NEXMIF: variants seen among roughly 807,000 people sequenced by gnomAD.
NEXMIF encodes XLMR protein related to neurite extension.
NEXMIF carries 8 observed loss-of-function variants against 62.1 expected under a neutral mutation model. The observed-to-expected ratio is 0.13, with a 90% CI of 0.08 to 0.23. The LOEUF (loss-of-function observed/expected upper bound fraction) is 0.23. Among genes scored for constraint, NEXMIF ranks in the 10% least tolerant of loss-of-function variants. The probability of loss-of-function intolerance (pLI) is 1.00; values close to 1 mark genes in which losing one functional copy is unlikely to be tolerated. For missense variants in NEXMIF, 976 were observed against 1,113.3 expected, an observed-to-expected ratio of 0.88 and a Z score of 1.75; for synonymous variants, 404 against 416.6, an observed-to-expected ratio of 0.97 and a Z score of 0.37.
At chrX:74,760,757 G>C (rs977899665) in intron 1 of NEXMIF, among the ~76,000 whole-genome samples, 1 of 111,305 alleles carries the variant, frequency 9.0e-6, no homozygotes, top group Admixed American at 9.6e-5. Flanking sequence ...TGGTGTATTA[G>C]CTTTTTGATT....
At position 74,825,568 on chromosome X, in the gene NEXMIF, T is replaced by C. The variant is rs139802811; in HGVS notation, c.-47-79871A>G. ...CTGCAAAGTACATGATCTTGTTCTTTTTTTTGACAGAGTCTTGCTCTTGTC... is the reference window on the plus strand; with the variant it reads ...CTGCAAAGTACATGATCTTGTTCTTCTTTTTGACAGAGTCTTGCTCTTGTC... On this transcript the variant is annotated intron_variant, in intron 1 of 3. Coordinates refer to ENST00000055682, the MANE Select transcript of NEXMIF (RefSeq NM_001008537.3). Among the ~76,000 whole-genome samples the C allele has an allele frequency of 4.7e-3, 528 of 112,543 alleles. 4 individuals carry two copies. The highest frequency in any genetic ancestry group is 0.016 in the African/African-American group (502 of 31,017).
intron 1 of NEXMIF, among the ~76,000 whole-genome samples, chrX:74,794,698 G>A (rs4382636): frequency 0.18 from 20,062 of 110,899 alleles, 2,532 homozygotes; most frequent in East Asian, 0.91. Context: ...TTTTAAGCCC[G>A]TCGGAAAAGC....
chrX:74,767,061 G>A (rs1387636834), intron 1 of NEXMIF, among the ~76,000 whole-genome samples: 3 of 112,271 alleles, frequency 2.7e-5, no homozygotes, highest in Non-Finnish European at 5.6e-5. Context: ...CCAAAGCCTG[G>A]AGACAGCGAG....
chrX:74,869,999 C>T (rs2080594596), intron 1 of NEXMIF, among the ~76,000 whole-genome samples: 1 of 111,013 alleles, frequency 9.0e-6, no homozygotes, highest in African/African-American at 3.3e-5. Context: ...AAAACAGACC[C>T]AGAATAGCCA....
At chrX:74,753,226 A>T (rs994599417) in intron 1 of NEXMIF, among the ~76,000 whole-genome samples, 1 of 112,338 alleles carries the variant, frequency 8.9e-6, no homozygotes, top group African/African-American at 3.2e-5. Flanking sequence ...AAAAAATGTT[A>T]TTACATTCTT....
intron 1 of NEXMIF, among the ~76,000 whole-genome samples, chrX:74,899,294 T>C (rs1247660484): frequency 2.7e-5 from 3 of 111,593 alleles, no homozygotes; most frequent in Non-Finnish European, 3.8e-5. Context: ...TGTCTCTCTT[T>C]GCTGATGACA....
intron 1 of NEXMIF, among the ~76,000 whole-genome samples, chrX:74,853,604 G>A (rs761643677): frequency 1.8e-5 from 2 of 110,480 alleles, no homozygotes; most frequent in African/African-American, 3.3e-5. Context: ...ATGGTTTGGG[G>A]ACTGCTTTTT....
intron 1 of NEXMIF, among the ~76,000 whole-genome samples, chrX:74,823,976 A>C (rs896791490): frequency 6.3e-5 from 7 of 111,515 alleles, no homozygotes; most frequent in African/African-American, 2.3e-4. Context: ...CAGAGACTGT[A>C]TTTGAATATC....
intron 1 of NEXMIF, among the ~76,000 whole-genome samples, chrX:74,891,525 G>T (rs6647077): frequency 0.15 from 16,299 of 111,299 alleles, 1,786 homozygotes; most frequent in East Asian, 0.91. Flanking sequence ...AGTGAAAGGC[G>T]TTGTGAAGTT....
chrX:74,802,690 C>A (rs756533648), intron 1 of NEXMIF, among the ~76,000 whole-genome samples: 1 of 110,432 alleles, frequency 9.1e-6, no homozygotes, highest in Non-Finnish European at 1.9e-5. Context: ...TCCAGGAAAA[C>A]ATAACCACAC....
chrX:74,744,031 T>A lies in NEXMIF; in HGVS notation c.526A>T (p.Thr176Ser), dbSNP rs747231678. 8.3e-7 allele frequency: 1 copy of A among 1,210,598 alleles called. No individual in the cohort carries two copies. The highest frequency in any genetic ancestry group is 1.1e-6 in the Non-Finnish European group (1 of 894,705). Residue 176 changes from threonine to serine, a missense_variant, in exon 3 of 4, where the codon ACG becomes TCG. By Grantham distance (58) the Thr-to-Ser change is moderately conservative. This residue lies in a region of NEXMIF where 126 missense variants were observed against 146.5 expected (regional missense o/e 0.86). Transcript: ENST00000055682. ...ATCCCTATATCAGAGACTGCACACG[T>A]TTCATAATCCCTATTTAGATCACCA... ...KVGDLNRDYE[T>S]CAVSDIGIQC...
intron 1 of NEXMIF, among the ~76,000 whole-genome samples, chrX:74,877,563 C>A (rs1324440531): frequency 2.7e-5 from 3 of 111,616 alleles, no homozygotes; most frequent in South Asian, 3.7e-4. Flanking sequence ...GGAAGTTCTC[C>A]TGGAGAATAT....
rs1356318438 is a variant in NEXMIF, at chrX:74,742,188, G to A, written c.2369C>T (p.Thr790Met). The change falls in exon 3 of 4, where the codon ACG becomes ATG. Residue 790 changes from threonine to methionine, a missense_variant. Thr to Met is a moderately conservative substitution (Grantham distance 81). Coordinates refer to ENST00000055682, the MANE Select transcript of NEXMIF (RefSeq NM_001008537.3). The stretch of plus-strand genomic sequence containing the variant: ...TAAAGGCATTTCAGAAGAGCATGTC[G>A]TTGGTAGAAAAGTGGAACTCTTAGC... The part of the protein sequence containing the change: ...KAAKSSTFLP[T>M]TCSSEMPLSS... 7.4e-6 allele frequency: 9 copies of A among 1,211,507 alleles called. No homozygotes were observed. Among genetic ancestry groups the A allele is most frequent in the South Asian group, 5.3e-5 (3 of 56,983 alleles).
At chrX:74,841,207 T>G (rs1053522163) in intron 1 of NEXMIF, among the ~76,000 whole-genome samples, 1 of 111,351 alleles carries the variant, frequency 9.0e-6, no homozygotes, top group Non-Finnish European at 1.9e-5. Context: ...CCTGGATAGC[T>G]GTATTCCTAG....
At chrX:74,850,952 A>G (rs2080511092) in intron 1 of NEXMIF, among the ~76,000 whole-genome samples, 1 of 111,108 alleles carries the variant, frequency 9.0e-6, no homozygotes, top group Non-Finnish European at 1.9e-5. Flanking sequence ...AGAGAACCTC[A>G]TAAACAGCAC....
chrX:74,914,691 A>T, intron 1 of NEXMIF, among the ~76,000 whole-genome samples: 1 of 111,659 alleles, frequency 9.0e-6, no homozygotes, highest in Non-Finnish European at 1.9e-5. Flanking sequence ...ACTCAAACAA[A>T]CAAACAAACA....
chrX:74,849,872 G>A (rs1413159767), intron 1 of NEXMIF, among the ~76,000 whole-genome samples: 33 of 111,929 alleles, frequency 2.9e-4, no homozygotes, highest in Non-Finnish European at 3.8e-5. Flanking sequence ...ACCAAGGCAT[G>A]TGCTCCACAG....
At chrX:74,842,458 G>T (rs2080477072) in intron 1 of NEXMIF, among the ~76,000 whole-genome samples, 1 of 111,327 alleles carries the variant, frequency 9.0e-6, no homozygotes, top group African/African-American at 3.3e-5. Flanking sequence ...GATTTTTCAT[G>T]TCTCAATTTC....
At chrX:74,830,679 C>A (rs2080433214) in intron 1 of NEXMIF, among the ~76,000 whole-genome samples, 1 of 111,972 alleles carries the variant, frequency 8.9e-6, no homozygotes, top group Non-Finnish European at 1.9e-5. Flanking sequence ...TCTTCCAATC[C>A]ATGAACATGG....
Sources: allele counts gnomAD v4.1 joint callset (sites outside exome capture counted in the v4.1 genomes callset), GRCh38; gene constraint gnomAD v4.1.1; regional missense constraint gnomAD v4.1.1; transcripts MANE v1.5; gene names NCBI Gene and HGNC (gene_info 2026-07-23, HGNC 2026-07-21).